The following PTGS1 variants were observed in gnomAD, a reference collection of about 807,000 sequenced individuals.
PTGS1 encodes the protein prostaglandin-endoperoxide synthase 1.
Under a neutral mutation model 63.0 loss-of-function variants are expected in PTGS1, and 40 were observed. The ratio of observed to expected loss-of-function variants is 0.63; its 90% CI spans 0.49 to 0.83. PTGS1 has a LOEUF of 0.83. Among genes scored for constraint, PTGS1 ranks in the 40% least tolerant of loss-of-function variants. PTGS1 has a pLI of 0.00. For synonymous variants in PTGS1, 298 were observed against 301.9 expected, an observed-to-expected ratio of 0.99 and a Z score of 0.13; for missense variants, 709 against 786.5, an observed-to-expected ratio of 0.90 and a Z score of 1.18.
At chr9:122,389,977 A>G (rs1485981924) in intron 9 of PTGS1, among the ~76,000 whole-genome samples, 1 of 151,876 alleles carries the variant, frequency 6.6e-6, no homozygotes, top group Non-Finnish European at 1.5e-5. Context: ...AAACCCACAA[A>G]AAAAAAATGA....
intron 9 of PTGS1, among the ~76,000 whole-genome samples, chr9:122,386,942 CT>C (rs1432951406): frequency 1.3e-5 from 2 of 152,098 alleles, no homozygotes; most frequent in Non-Finnish European, 2.9e-5. Flanking sequence ...GGGAACAAGA[CT>C]TTTGTGGTTC....
intron 9 of PTGS1, among the ~76,000 whole-genome samples, chr9:122,387,911 T>C (rs1036353961): frequency 6.6e-6 from 1 of 152,240 alleles, no homozygotes; most frequent in African/African-American, 2.4e-5. Flanking sequence ...CCCTAAACCC[T>C]GTCATGAAGC....
intron 7 of PTGS1, among the ~76,000 whole-genome samples, chr9:122,383,033 T>G (rs1338222513): frequency 6.6e-6 from 1 of 152,104 alleles, no homozygotes; most frequent in Non-Finnish European, 1.5e-5. Context: ...ATGGGAGCGT[T>G]TGCTGAGCCT....
intron 10 of PTGS1, 89 bp from the exon 11 acceptor site, chr9:122,392,099 GA>G: frequency 5.2e-6 from 6 of 1,155,400 alleles, no homozygotes; most frequent in Non-Finnish European, 6.0e-6. Flanking sequence ...ATTATCCCCA[GA>G]AAAAGGTGGA....
Position 122,392,611 on chromosome 9 carries a change from G to C in PTGS1, c.*67G>C. 3 of 1,431,784 alleles carry C rather than the reference G, an allele frequency of 2.1e-6. No homozygotes were observed. In the South Asian group the frequency reaches 3.9e-5, roughly 18 times the overall value. 88.7% of individuals were successfully genotyped at this position (1,431,784 alleles called of 1,614,324 possible). ...TGTCATTCCAGAGTGCTGAGGCCAG[G>C]GCTGATGGTCTTAAATGCTCATTTT... On this transcript the variant is annotated 3_prime_UTR_variant, in exon 11 of 11. Transcript: ENST00000362012.
At chr9:122,371,962 G>C (rs10306118) in intron 2 of PTGS1, 1 of 703,772 alleles carries the variant, frequency 1.4e-6, no homozygotes. Context: ...CAATGGACCC[G>C]GAGCCACTCT....
At chr9:122,386,375 G>A in intron 8 of PTGS1, 71 bp from the exon 9 acceptor site, 1 of 1,523,764 alleles carries the variant, frequency 6.6e-7, no homozygotes, top group Non-Finnish European at 9.0e-7. Context: ...TCATGAACTG[G>A]CCTGCTTTCC....
rs369988194 is a variant in PTGS1, at chr9:122,381,524, C to G, written c.650C>G (p.Pro217Arg). The G allele has an allele frequency of 1.9e-6, 3 of 1,614,206 alleles. No individual in the cohort carries two copies. The highest frequency in any genetic ancestry group is 2.5e-6 in the Non-Finnish European group (3 of 1,180,024). The change falls in exon 6 of 11, where the codon CCT becomes CGT. Residue 217 changes from proline to arginine, a missense_variant. By Grantham distance (103) the Pro-to-Arg change is moderately radical (BLOSUM62 -2). Coordinates refer to ENST00000362012, the MANE Select transcript of PTGS1 (RefSeq NM_000962.4). ...QFFKTSGKMG[P>R]GFTKALGHGV... ...TTCAAAACTTCTGGCAAGATGGGTC[C>G]TGGCTTCACCAAGGCCTTGGGCCAT...
Position 122,378,867 on chromosome 9 carries a change from C to G in PTGS1, c.445C>G (p.Arg149Gly). The part of the protein sequence containing the change: ...ESFSNVSYYT[R>G]ILPSVPKDCP... ...TTTCTCCAACGTGAGCTATTACACT[C>G]GTATTCTGCCCTCTGTGCCTAAAGA... is the stretch of plus-strand genomic sequence containing the variant. Residue 149 changes from arginine to glycine, a missense_variant, in exon 5 of 11, where the codon CGT (arginine) becomes GGT (glycine). By Grantham distance (125) the Arg-to-Gly change is moderately radical (BLOSUM62 -2). Transcript: ENST00000362012. 5 of 1,614,244 alleles carry G rather than the reference C, an allele frequency of 3.1e-6. No individual in the cohort carries two copies. Among genetic ancestry groups the G allele is most frequent in the Non-Finnish European group, 4.2e-6 (5 of 1,180,040 alleles).
rs531717666 is a variant in PTGS1 at position 122,382,664 on chromosome 9, T to C, written c.763-845T>C. Reference sequence around the variant, plus strand: ...CTACACGTGGCTAGTGGCTACCATATTGGATCGTACAAATCTTAGGCAAGC... The same window carrying C: ...CTACACGTGGCTAGTGGCTACCATACTGGATCGTACAAATCTTAGGCAAGC... On this transcript the variant is annotated intron_variant, in intron 7 of 10. Transcript: ENST00000362012. Among the ~76,000 whole-genome samples the C allele has an allele frequency of 1.1e-4, 16 of 152,334 alleles. No individual in the cohort carries two copies. In the South Asian group the frequency reaches 3.3e-3, roughly 32 times the overall value.
chr9:122,373,142 C>T (rs1053029209), intron 2 of PTGS1, among the ~76,000 whole-genome samples: 1 of 152,088 alleles, frequency 6.6e-6, no homozygotes, highest in Non-Finnish European at 1.5e-5. Context: ...AGAGACTCGA[C>T]CAGGAAACAC....
At chr9:122,377,852 A>C in intron 2 of PTGS1, 47 bp from the exon 3 acceptor site, 4 of 1,541,396 alleles carry the variant, frequency 2.6e-6, no homozygotes, top group Non-Finnish European at 3.6e-6. Context: ...GATGGGGGTC[A>C]GGAGGCCACC....
At position 122,392,465 on chromosome 9, in the gene PTGS1, G is replaced by A. The variant is rs1277491951; in HGVS notation, c.1721G>A (p.Cys574Tyr). The change falls in exon 11 of 11, where the codon TGT becomes TAT. Residue 574 changes from cysteine (C) to tyrosine (Y), a missense_variant. Transcript: ENST00000362012. ...KKLVCLNTKT[C>Y]PYVSFRVPDA... ...CTGGTCTGCCTCAACACCAAGACCTGTCCCTACGTTTCCTTCCGTGTGCCG... is the reference window on the plus strand; with the variant it reads ...CTGGTCTGCCTCAACACCAAGACCTATCCCTACGTTTCCTTCCGTGTGCCG... 3 of 1,614,172 alleles carry A rather than the reference G, an allele frequency of 1.9e-6. No homozygotes were observed. Among genetic ancestry groups the A allele is most frequent in the Non-Finnish European group, 2.5e-6 (3 of 1,180,042 alleles).
intron 10 of PTGS1, among the ~76,000 whole-genome samples, chr9:122,391,416 T>C (rs866202844): frequency 3.2e-5 from 1 of 31,258 alleles, no homozygotes; most frequent in African/African-American, 3.9e-4. Context: ...TATACATATA[T>C]ATATATATAT....
intron 2 of PTGS1, among the ~76,000 whole-genome samples, chr9:122,376,742 T>A (rs1373626115): frequency 6.6e-6 from 1 of 151,618 alleles, no homozygotes; most frequent in East Asian, 1.9e-4. Flanking sequence ...GCGCTAGGAG[T>A]TTTTGGTCTG....
chr9:122,370,533 A>G (rs1836743625), upstream of PTGS1: 1 of 159,470 alleles, frequency 6.3e-6, no homozygotes, highest in South Asian at 1.9e-4. Flanking sequence ...TCTGAGGAGT[A>G]GTGAGTTTCT....
At chr9:122,372,246 C>T (rs1180548265) in intron 2 of PTGS1, among the ~76,000 whole-genome samples, 5 of 151,942 alleles carry the variant, frequency 3.3e-5, no homozygotes, top group East Asian at 3.9e-4. Context: ...GGATCTGGTG[C>T]GTGGGGGAAA....
At chr9:122,391,013 G>A (rs1050499019) in intron 10 of PTGS1, among the ~76,000 whole-genome samples, 1 of 151,960 alleles carries the variant, frequency 6.6e-6, no homozygotes, top group African/African-American at 2.4e-5. Flanking sequence ...TGGGAGGTTG[G>A]GGCCAAACCG....
intron 8 of PTGS1, among the ~76,000 whole-genome samples, chr9:122,384,606 C>T (rs1837757708): frequency 6.6e-6 from 1 of 152,154 alleles, no homozygotes; most frequent in South Asian, 2.1e-4. Flanking sequence ...TCCCCTACAA[C>T]CTCATGAGCC....
Sources: gnomAD v4.1 joint callset for allele counts (sites outside exome capture counted in the v4.1 genomes callset) on GRCh38, gnomAD v4.1.1 for gene constraint, MANE v1.5 for transcripts, NCBI Gene and HGNC (gene_info 2026-07-23, HGNC 2026-07-21) for gene names.